The following GRM8 variants were observed in gnomAD, a reference collection of about 807,000 sequenced individuals.
GRM8 encodes the protein glutamate metabotropic receptor 8.
A neutral mutation model predicts 87.2 loss-of-function variants in GRM8; 47 were observed. The ratio of observed to expected loss-of-function variants is 0.54; its 90% CI spans 0.43 to 0.69. GRM8 has a LOEUF of 0.69. GRM8 is among the 30% of genes least tolerant of loss of function. The probability of loss-of-function intolerance (pLI) is 0.00; values close to 1 mark genes in which losing one functional copy is unlikely to be tolerated. For missense variants in GRM8, 1,019 were observed against 1,139.2 expected (o/e 0.89, Z 1.52); for synonymous variants, 396 against 404.5 (o/e 0.98, Z 0.25).
At chr7:126,906,300 C>T (rs964309825) in intron 3 of GRM8, among the ~76,000 whole-genome samples, 1 of 152,048 alleles carries the variant, frequency 6.6e-6, no homozygotes, top group African/African-American at 2.4e-5. Flanking sequence ...TTAAGCCACC[C>T]AGTATATGAT....
intron 9 of GRM8, among the ~76,000 whole-genome samples, chr7:126,499,918 CTT>C (rs1491427075): frequency 1.3e-5 from 2 of 151,566 alleles, no homozygotes; most frequent in Admixed American, 1.3e-4. Context: ...TATACAATTA[CTT>C]TGTTAATTAA....
intron 7 of GRM8, among the ~76,000 whole-genome samples, chr7:126,745,985 T>G (rs1427196421): frequency 6.6e-6 from 1 of 151,750 alleles, no homozygotes; most frequent in Non-Finnish European, 1.5e-5. Context: ...CTCTTTTGAT[T>G]TGGATATATT....
chr7:127,041,345 C>T (rs1335878596), intron 3 of GRM8, among the ~76,000 whole-genome samples: 1 of 152,158 alleles, frequency 6.6e-6, no homozygotes, highest in East Asian at 1.9e-4. Flanking sequence ...GCAGGGAAGG[C>T]TGAAATATAT....
rs908327971 is a variant in GRM8 at position 126,902,463 on chromosome 7, T to C, written c.1156+79A>G. On this transcript the variant is annotated intron_variant, in intron 6 of 10. Coordinates refer to ENST00000339582, the MANE Select transcript of GRM8 (RefSeq NM_000845.3). ...GAAAATACATTCATCATTATCCATA[T>C]AGAAAAACGTAATTTATCAAGTAAT... is the stretch of plus-strand genomic sequence containing the variant. The C allele has an allele frequency of 9.5e-6, 11 of 1,163,800 alleles. No homozygotes were observed. In the Middle Eastern group the frequency reaches 6.0e-4, roughly 64 times the overall value. 72.1% of individuals were successfully genotyped at this position (1,163,800 alleles called of 1,614,324 possible).
rs374585428 is a variant in GRM8 at position 127,114,267 on chromosome 7, C to T, written c.511-7555G>A. 1.3e-4 allele frequency among the ~76,000 whole-genome samples: 20 copies of T among 152,198 alleles called. No individual in the cohort carries two copies. The East Asian group carries it at 2.7e-3, about 21-fold the overall frequency. On this transcript the variant is annotated intron_variant, in intron 2 of 10. Transcript: ENST00000339582. ...GGATGTGAGCCTTTGGGTTTTGATGCACAATGGAGTTTAACAAAAGCAAAG... is the reference window on the plus strand; with the variant it reads ...GGATGTGAGCCTTTGGGTTTTGATGTACAATGGAGTTTAACAAAAGCAAAG...
intron 7 of GRM8, among the ~76,000 whole-genome samples, chr7:126,720,190 C>A (rs1045385932): frequency 6.6e-6 from 1 of 151,486 alleles, no homozygotes; most frequent in Non-Finnish European, 1.5e-5. Context: ...GCTCTGTCAC[C>A]CAGACCGGAG....
chr7:126,775,415 A>G (rs2299518), intron 6 of GRM8, among the ~76,000 whole-genome samples: 72,494 of 150,338 alleles, frequency 0.48, 18,175 homozygotes, highest in African/African-American at 0.59. Flanking sequence ...TTTTAAATCC[A>G]TGAGAACCAT....
chr7:126,963,722 T>A (rs1488917946), intron 3 of GRM8, among the ~76,000 whole-genome samples: 3 of 152,170 alleles, frequency 2.0e-5, no homozygotes, highest in Non-Finnish European at 4.4e-5. Context: ...ATCAATATCA[T>A]GAAAATGGCC....
At chr7:127,235,784 C>T (rs1563599505) in intron 2 of GRM8, among the ~76,000 whole-genome samples, 2 of 152,200 alleles carry the variant, frequency 1.3e-5, no homozygotes, top group Non-Finnish European at 2.9e-5. Flanking sequence ...AAAAGCTATG[C>T]TGGCAATGCT....
At chr7:126,829,931 G>T (rs541301151) in intron 6 of GRM8, among the ~76,000 whole-genome samples, 1 of 152,222 alleles carries the variant, frequency 6.6e-6, no homozygotes, top group South Asian at 2.1e-4. Flanking sequence ...TTGCTTGTCT[G>T]TGAAGTATTT....
At chr7:126,864,411 C>T (rs1465455398) in intron 6 of GRM8, among the ~76,000 whole-genome samples, 3 of 151,946 alleles carry the variant, frequency 2.0e-5, no homozygotes, top group Admixed American at 6.6e-5. Flanking sequence ...TCTAGGTCTA[C>T]GTATTCCATC....
intron 10 of GRM8, 170 bp downstream of exon 10, chr7:126,445,956 G>T (rs1584628877): frequency 2.7e-6 from 2 of 739,014 alleles, no homozygotes; most frequent in Middle Eastern, 6.2e-4. Flanking sequence ...CTCATCTTGA[G>T]ACCATTTGCT....
At chr7:126,651,228 C>G (rs1489796706) in intron 7 of GRM8, among the ~76,000 whole-genome samples, 1 of 152,124 alleles carries the variant, frequency 6.6e-6, no homozygotes, top group Non-Finnish European at 1.5e-5. Context: ...CACTTTGTGG[C>G]CAAAGAAGTG....
intron 2 of GRM8, among the ~76,000 whole-genome samples, chr7:127,147,601 T>C (rs1180516144): frequency 6.6e-6 from 1 of 152,028 alleles, no homozygotes; most frequent in African/African-American, 2.4e-5. Context: ...ACTTAGTATA[T>C]TTCTAATATC....
At chr7:126,794,600 T>C (rs1338914380) in intron 6 of GRM8, among the ~76,000 whole-genome samples, 1 of 152,198 alleles carries the variant, frequency 6.6e-6, no homozygotes, top group Non-Finnish European at 1.5e-5. Context: ...TGCATTATGC[T>C]GTACCCTGGT....
At chr7:126,664,728 G>A (rs1018386008) in intron 7 of GRM8, among the ~76,000 whole-genome samples, 18 of 151,938 alleles carry the variant, frequency 1.2e-4, no homozygotes, top group Non-Finnish European at 2.7e-4. Flanking sequence ...AAAAATATGA[G>A]TAAGTCCTCA....
intron 2 of GRM8, among the ~76,000 whole-genome samples, chr7:127,157,840 T>G (rs1483650293): frequency 6.6e-6 from 1 of 152,050 alleles, no homozygotes; most frequent in East Asian, 1.9e-4. Context: ...GTTACACACA[T>G]TATGTAAAAC....
At chr7:126,683,490 G>A (rs527242613) in intron 7 of GRM8, among the ~76,000 whole-genome samples, 2 of 152,230 alleles carry the variant, frequency 1.3e-5, no homozygotes, top group African/African-American at 4.8e-5. Flanking sequence ...AACATAAAGT[G>A]CAAAAGTATT....
chr7:126,538,652 T>C (rs1297893254), intron 8 of GRM8, among the ~76,000 whole-genome samples: 2 of 152,098 alleles, frequency 1.3e-5, no homozygotes, highest in Non-Finnish European at 2.9e-5. Context: ...AATTATTTTG[T>C]TGACTAGTTT....
Sources: allele counts gnomAD v4.1 joint callset (sites outside exome capture counted in the v4.1 genomes callset), GRCh38; gene constraint gnomAD v4.1.1; transcripts MANE v1.5; gene names NCBI Gene and HGNC (gene_info 2026-07-23, HGNC 2026-07-21).